The following LARS2 variants were observed in gnomAD, a reference collection of about 807,000 sequenced individuals.
LARS2 encodes leucine--tRNA ligase, mitochondrial.
LARS2 carries 81 observed loss-of-function variants against 116.6 expected under a neutral mutation model. That is an observed-to-expected ratio of 0.69 (90% CI 0.58 to 0.84). The LOEUF is 0.84. Ranked by LOEUF, LARS2 falls within the 40% of genes least tolerant of loss-of-function variation. LARS2 has a pLI of 0.00. For synonymous variants in LARS2, 396 were observed against 407.2 expected (o/e 0.97, Z 0.33); for missense variants, 968 against 1,114.5 (o/e 0.87, Z 1.87).
intron 8 of LARS2, among the ~76,000 whole-genome samples, chr3:45,465,895 A>G (rs755156105): frequency 2.2e-4 from 34 of 151,794 alleles, no homozygotes; most frequent in Non-Finnish European, 8.8e-5. Context: ...CGCACACTCC[A>G]CTGTCCGTCC....
chr3:45,497,357 G>A (rs1178997642), intron 14 of LARS2, among the ~76,000 whole-genome samples: 2 of 152,048 alleles, frequency 1.3e-5, no homozygotes, highest in East Asian at 3.9e-4. Context: ...TATAAAGAGA[G>A]AGAATGAGAA....
chr3:45,447,670 A>G (rs761257722), intron 7 of LARS2, among the ~76,000 whole-genome samples: 1 of 152,214 alleles, frequency 6.6e-6, no homozygotes, highest in African/African-American at 2.4e-5. Context: ...ATAAACTTCT[A>G]TCAATAAATT....
At chr3:45,524,693 TCATG>T (rs368080196) in intron 20 of LARS2, among the ~76,000 whole-genome samples, 2 of 152,288 alleles carry the variant, frequency 1.3e-5, no homozygotes, top group African/African-American at 4.8e-5. Flanking sequence ...TCCTGAAAGA[TCATG>T]CATGCATGGG....
chr3:45,396,040 T>G (rs1383473520), intron 3 of LARS2, among the ~76,000 whole-genome samples: 1 of 152,234 alleles, frequency 6.6e-6, no homozygotes, highest in African/African-American at 2.4e-5. Flanking sequence ...TTAGCTTTTT[T>G]TTCCCTTTTG....
intron 3 of LARS2, 68 bp from the exon 4 acceptor site, chr3:45,400,177 A>G (rs1340695591): frequency 7.1e-7 from 1 of 1,409,944 alleles, no homozygotes; most frequent in African/African-American, 1.4e-5. Flanking sequence ...TAAAATGCCA[A>G]AATATTATGT....
rs1038577964 is a variant in LARS2, at chr3:45,491,918, A to T, written c.1523+118A>T. ...GCTCCCTTTTTCCCTGACTTCCATG[A>T]GGCTGGAAAGAACACTGTGGGTCTT... On this transcript the variant is annotated intron_variant, in intron 13 of 21. Coordinates refer to ENST00000645846, the MANE Select transcript of LARS2 (RefSeq NM_015340.4). 40 of 989,504 alleles carry T rather than the reference A, an allele frequency of 4.0e-5. No individual in the cohort carries two copies. In the African/African-American group the frequency reaches 6.1e-4, roughly 15 times the overall value. 61.3% of individuals were successfully genotyped at this position (989,504 alleles called of 1,614,324 possible). A position where few individuals can be genotyped will look rare whatever the true frequency, so the allele number is the denominator to read the frequency against.
chr3:45,526,623 C>T (rs1314055845), intron 20 of LARS2, among the ~76,000 whole-genome samples: 8 of 152,032 alleles, frequency 5.3e-5, no homozygotes, highest in African/African-American at 1.2e-4. Context: ...AGGGAGAAGT[C>T]ATTATGAGAT....
intron 19 of LARS2, among the ~76,000 whole-genome samples, chr3:45,523,376 G>C (rs1700482603): frequency 6.6e-6 from 1 of 152,158 alleles, no homozygotes; most frequent in African/African-American, 2.4e-5. Flanking sequence ...AGCAGAGTGG[G>C]TAAGAGTTTG....
chr3:45,514,852 C>T (rs778260811), intron 16 of LARS2, among the ~76,000 whole-genome samples: 10 of 152,338 alleles, frequency 6.6e-5, no homozygotes, highest in Non-Finnish European at 8.8e-5. Context: ...CTCACCACAG[C>T]GTGGATAAAC....
At chr3:45,449,763 A>G (rs1699094434) in intron 7 of LARS2, among the ~76,000 whole-genome samples, 1 of 152,244 alleles carries the variant, frequency 6.6e-6, no homozygotes. Context: ...AATAAACTTT[A>G]TAAAGTTAAC....
chr3:45,488,600 T>G (rs757418297), intron 11 of LARS2, 97 bp from the exon 12 acceptor site: 17 of 722,966 alleles, frequency 2.4e-5, no homozygotes, highest in Non-Finnish European at 3.8e-5. Flanking sequence ...AGAGATAGTC[T>G]CCTTTAAGAA....
At chr3:45,473,231 T>C (rs899777740) in intron 8 of LARS2, among the ~76,000 whole-genome samples, 4 of 152,212 alleles carry the variant, frequency 2.6e-5, no homozygotes, top group African/African-American at 9.6e-5. Flanking sequence ...TTTGTCATTG[T>C]TGTTGCTTTT....
chr3:45,474,561 A>C (rs1421825302), intron 9 of LARS2, among the ~76,000 whole-genome samples: 2 of 152,224 alleles, frequency 1.3e-5, no homozygotes, highest in African/African-American at 4.8e-5. Flanking sequence ...TTACAACCAA[A>C]ATGATTCCAT....
chr3:45,471,103 C>CA (rs1193497675), intron 8 of LARS2, among the ~76,000 whole-genome samples: 1 of 63,936 alleles, frequency 1.6e-5, no homozygotes, highest in African/African-American at 6.6e-5. Context: ...CCCAAAAAAA[C>CA]AAAAATAGCT....
chr3:45,531,266 C>A (rs951405923), intron 20 of LARS2, among the ~76,000 whole-genome samples: 3 of 152,100 alleles, frequency 2.0e-5, no homozygotes, highest in Non-Finnish European at 4.4e-5. Flanking sequence ...AAGAATTAAT[C>A]TATTAATCTA....
At chr3:45,523,233 C>T (rs2125758384) in intron 19 of LARS2, among the ~76,000 whole-genome samples, 1 of 152,320 alleles carries the variant, frequency 6.6e-6, no homozygotes, top group African/African-American at 2.4e-5. Context: ...CCGGAATTGA[C>T]CAAAGGTATT....
chr3:45,466,627 C>A (rs1699430175), intron 8 of LARS2, among the ~76,000 whole-genome samples: 1 of 152,136 alleles, frequency 6.6e-6, no homozygotes, highest in African/African-American at 2.4e-5. Flanking sequence ...ATTGCTGACC[C>A]AGCCCACATC....
chr3:45,486,524 C>T (rs777156918), intron 11 of LARS2, among the ~76,000 whole-genome samples: 3 of 152,144 alleles, frequency 2.0e-5, no homozygotes, highest in Non-Finnish European at 4.4e-5. Context: ...CCAGCCAGTC[C>T]CCAGAGTCCC....
chr3:45,484,833 A>T (rs981814617), intron 10 of LARS2, among the ~76,000 whole-genome samples: 1 of 150,414 alleles, frequency 6.6e-6, no homozygotes, highest in Non-Finnish European at 1.5e-5. Flanking sequence ...CCTAGAGTTC[A>T]TAATGTCTTC....
Sources: allele counts gnomAD v4.1 joint callset (sites outside exome capture counted in the v4.1 genomes callset), GRCh38; gene constraint gnomAD v4.1.1; transcripts MANE v1.5; gene names NCBI Gene and HGNC (gene_info 2026-07-23, HGNC 2026-07-21).